SULT2B1: variants seen among roughly 807,000 people sequenced by gnomAD.
SULT2B1 encodes the protein sulfotransferase family 2B member 1.
A neutral mutation model predicts 33.2 loss-of-function variants in SULT2B1; 16 were observed. That is an observed-to-expected ratio of 0.48 (90% CI 0.33 to 0.73). The LOEUF is 0.73. SULT2B1 is among the 30% of genes least tolerant of loss of function. The pLI, the probability that SULT2B1 is intolerant of heterozygous loss-of-function variation, is 0.02. For synonymous variants in SULT2B1, 186 were observed against 200.5 expected (o/e 0.93, Z 0.61); for missense variants, 500 against 506.0 (o/e 0.99, Z 0.11).
At chr19:48,581,472 G>GGT (rs1555733919) in intron 2 of SULT2B1, among the ~76,000 whole-genome samples, 1 of 118,912 alleles carries the variant, frequency 8.4e-6, no homozygotes, top group African/African-American at 3.4e-5. Context: ...AGATTTGAGA[G>GGT]TTTTTTTTTT....
intron 2 of SULT2B1, among the ~76,000 whole-genome samples, chr19:48,577,153 C>A (rs1333777477): frequency 1.3e-5 from 2 of 150,230 alleles, no homozygotes; most frequent in Non-Finnish European, 2.9e-5. Context: ...CTGCCTCAGC[C>A]TCCTGAGTAG....
chr19:48,559,603 A>G (rs1568402699), intron 1 of SULT2B1, among the ~76,000 whole-genome samples: 1 of 152,116 alleles, frequency 6.6e-6, no homozygotes, highest in East Asian at 1.9e-4. Context: ...ACCCATTTGG[A>G]AAGAACTAAG....
chr19:48,594,603 C>T (rs1381079766), intron 5 of SULT2B1, among the ~76,000 whole-genome samples: 1 of 152,158 alleles, frequency 6.6e-6, no homozygotes, highest in Non-Finnish European at 1.5e-5. Flanking sequence ...TTCTGGGACA[C>T]GTCAGTGGTT....
intron 5 of SULT2B1, among the ~76,000 whole-genome samples, chr19:48,594,834 C>T (rs1307793020): frequency 2.6e-5 from 4 of 152,186 alleles, no homozygotes; most frequent in Non-Finnish European, 5.9e-5. Context: ...GCCTGGCCAA[C>T]GTGGTGAAAT....
intron 1 of SULT2B1, among the ~76,000 whole-genome samples, chr19:48,555,700 G>C (rs1973091596): frequency 6.6e-6 from 1 of 151,934 alleles, no homozygotes; most frequent in African/African-American, 2.4e-5. Flanking sequence ...TCAGCCTCCA[G>C]AGTAGCTGGG....
chr19:48,578,823 C>T lies in SULT2B1; in HGVS notation c.214+2740C>T, dbSNP rs909044000. Among the ~76,000 whole-genome samples the T allele has an allele frequency of 2.6e-5, 4 of 151,992 alleles. No individual in the cohort carries two copies. In the South Asian group the frequency reaches 8.3e-4, roughly 32 times the overall value. On this transcript the variant is annotated intron_variant, in intron 2 of 6. Transcript: ENST00000201586. ...ACCGGGGGGTAGAGGTTGCAGTGAG[C>T]CAAGAGTGCACCACTGAACTCCAGC...
At position 48,592,782 on chromosome 19, in the gene SULT2B1, A is replaced by G. The variant is rs780151698; in HGVS notation, c.611A>G (p.Asn204Ser). ...KGWLRMKGKD[N>S]FLFITYEELQ... is the part of the protein sequence containing the mutation. ...TGGCTTCGGATGAAGGGCAAAGACA[A>G]CTTCCTATTTATCACCTACGAGGAG... The change falls in exon 5 of 7, where the codon AAC becomes AGC. Residue 204 changes from asparagine (N) to serine (S), a missense_variant. Coordinates refer to ENST00000201586, the MANE Select transcript of SULT2B1 (RefSeq NM_177973.2). 1.0e-5 allele frequency: 16 copies of G among 1,591,384 alleles called. No homozygotes were observed. The highest frequency in any genetic ancestry group is 2.3e-5 in the East Asian group (1 of 44,270).
chr19:48,586,483 C>T (rs575463541), intron 2 of SULT2B1, among the ~76,000 whole-genome samples: 11 of 152,266 alleles, frequency 7.2e-5, no homozygotes, highest in African/African-American at 2.2e-4. Context: ...AGTCACGTGG[C>T]GTGCGTTTAT....
At chr19:48,576,727 C>G (rs1373730174) in intron 2 of SULT2B1, among the ~76,000 whole-genome samples, 1 of 150,024 alleles carries the variant, frequency 6.7e-6, no homozygotes, top group Non-Finnish European at 1.5e-5. Context: ...TCAGCCTTGA[C>G]CTCCTGGACT....
At chr19:48,597,795 C>A (rs1287838893) in intron 6 of SULT2B1, among the ~76,000 whole-genome samples, 3 of 151,696 alleles carry the variant, frequency 2.0e-5, no homozygotes, top group African/African-American at 7.3e-5. Flanking sequence ...AGGCACCCAC[C>A]ACCACGCCTG....
rs1973644820 is a variant in SULT2B1 at position 48,591,684 on chromosome 19, A to C, written c.499A>C (p.Lys167Gln). 6.2e-7 allele frequency: 1 copy of C among 1,613,262 alleles called. No homozygotes were observed. The highest frequency in any genetic ancestry group is 2.2e-5 in the East Asian group (1 of 44,858). ...TTACTCCAAGATCGCCGGGCAGTTA[A>C]AGGACCCGGGCACACCCGACCAGTT... Reference protein sequence around the residue: ...YHYSKIAGQLKDPGTPDQFLR... With the variant: ...YHYSKIAGQLQDPGTPDQFLR... The change falls in exon 4 of 7, where the codon AAG (lysine) becomes CAG (glutamine). Residue 167 changes from lysine to glutamine, a missense_variant. Coordinates refer to ENST00000201586, the MANE Select transcript of SULT2B1 (RefSeq NM_177973.2).
Position 48,596,745 on chromosome 19 carries a change from C to G in SULT2B1, c.652C>G (p.Gln218Glu). The G allele has an allele frequency of 1.2e-6, 2 of 1,604,018 alleles. No individual in the cohort carries two copies. Among genetic ancestry groups the G allele is most frequent in the Non-Finnish European group, 1.7e-6 (2 of 1,179,238 alleles). ...ITYEELQQDL[Q>E]GSVERICGFL... The stretch of plus-strand genomic sequence containing the variant: ...CCCTCTCCCCTGCCTGCAGGACTTA[C>G]AGGGCTCCGTGGAGCGCATCTGTGG... The change falls in exon 6 of 7, where the codon CAG (glutamine) becomes GAG (glutamate). Residue 218 changes from glutamine (Q) to glutamate (E), a missense_variant. Physicochemically the swap from Gln to Glu is conservative, Grantham distance 29. Coordinates refer to ENST00000201586, the MANE Select transcript of SULT2B1 (RefSeq NM_177973.2).
At position 48,592,722 on chromosome 19, in the gene SULT2B1, T is replaced by C; in HGVS notation, c.551T>C (p.Val184Ala). ...QFLRDFLKGE[V>A]QFGSWFDHIK... ...ACCCCACTTGTCCCTCTGCCCACAG[T>C]GCAGTTTGGCTCCTGGTTCGACCAC... Residue 184 changes from valine (V) to alanine (A), a missense_variant and splice_region_variant, in exon 5 of 7, where the codon GTG (valine) becomes GCG (alanine). By Grantham distance (64) the Val-to-Ala change is moderately conservative. Coordinates refer to ENST00000201586, the MANE Select transcript of SULT2B1 (RefSeq NM_177973.2). The C allele has an allele frequency of 6.3e-7, 1 of 1,590,908 alleles. No homozygotes were observed. Among genetic ancestry groups the C allele is most frequent in the Non-Finnish European group, 8.6e-7 (1 of 1,167,952 alleles).
At chr19:48,584,189 CAAGA>C (rs1350219316) in intron 2 of SULT2B1, among the ~76,000 whole-genome samples, 2 of 152,124 alleles carry the variant, frequency 1.3e-5, no homozygotes, top group Non-Finnish European at 2.9e-5. Context: ...GCCAAACTCC[CAAGA>C]AAGAAAGAAA....
chr19:48,557,182 A>G (rs192695438), intron 1 of SULT2B1, among the ~76,000 whole-genome samples: 17 of 152,268 alleles, frequency 1.1e-4, no homozygotes, highest in Admixed American at 3.3e-4. Context: ...GGGCCCAGAG[A>G]TATCAGCAAG....
At chr19:48,569,522 T>C (rs1973293111) in intron 1 of SULT2B1, among the ~76,000 whole-genome samples, 1 of 151,404 alleles carries the variant, frequency 6.6e-6, no homozygotes, top group Non-Finnish European at 1.5e-5. Flanking sequence ...GAGTTTTCTT[T>C]CTTTTTTTTC....
chr19:48,592,928 C>T (rs1973662892), intron 5 of SULT2B1, 112 bp downstream of exon 5: 3 of 896,816 alleles, frequency 3.3e-6, no homozygotes, highest in South Asian at 3.1e-5. Flanking sequence ...ATGCAATGCG[C>T]CAGCCCCTGG....
At chr19:48,592,142 A>T (rs1973651534) in intron 4 of SULT2B1, among the ~76,000 whole-genome samples, 1 of 151,924 alleles carries the variant, frequency 6.6e-6, no homozygotes, top group African/African-American at 2.4e-5. Context: ...AAATACAAAA[A>T]ATTAGCCGGG....
In SULT2B1 at chr19:48,599,172, C is replaced by G; in HGVS notation, c.864C>G (p.Ala288=). The change falls in exon 7 of 7, where the codon GCC becomes GCG. Residue 288 remains alanine, a synonymous_variant. Transcript: ENST00000201586. The surrounding 1 kb of genome is among the most constrained non-coding windows in gnomAD (Gnocchi z 4.1). ...CGDWKNHFTV[A]QSEAFDRAYR... ...ACTGGAAGAACCACTTCACGGTGGC[C>G]CAGAGCGAAGCCTTCGATCGTGCCT... 1 of 1,597,300 alleles carries G rather than the reference C, an allele frequency of 6.3e-7. No individual in the cohort carries two copies. The highest frequency in any genetic ancestry group is 2.3e-5 in the East Asian group (1 of 44,312).
Sources: gnomAD v4.1 joint callset for allele counts (sites outside exome capture counted in the v4.1 genomes callset) on GRCh38, gnomAD v4.1.1 for gene constraint, Gnocchi (gnomAD v3.1) non-coding constraint, MANE v1.5 for transcripts, NCBI Gene and HGNC (gene_info 2026-07-23, HGNC 2026-07-21) for gene names.